ZNF177: variants seen among roughly 807,000 people sequenced by gnomAD.
The protein encoded by ZNF177 is zinc finger protein 177.
In ZNF177, 17 loss-of-function variants were observed where a neutral mutation model predicts 19.4. The ratio of observed to expected loss-of-function variants is 0.87; its 90% CI spans 0.60 to 1.31. ZNF177 has a LOEUF of 1.31. Ranked by LOEUF, ZNF177 falls within the 40% of genes most tolerant of loss-of-function variation. ZNF177 has a pLI of 0.00. For missense variants in ZNF177, 633 were observed against 561.8 expected, an observed-to-expected ratio of 1.13 and a Z score of -1.28; for synonymous variants, 220 against 188.7, an observed-to-expected ratio of 1.17 and a Z score of -1.36.
chr19:9,375,280 A>ATAT (rs1371562538), upstream of ZNF177, among the ~76,000 whole-genome samples: 5 of 151,956 alleles, frequency 3.3e-5, no homozygotes, highest in African/African-American at 1.2e-4. Flanking sequence ...TTCAGTAGGG[A>ATAT]TATTGGCTTG....
At chr19:9,369,271 AT>A (rs1443954715) in intron 2 of ZNF177, among the ~76,000 whole-genome samples, 2 of 151,846 alleles carry the variant, frequency 1.3e-5, no homozygotes, top group African/African-American at 4.8e-5. Context: ...GATTTGTGTT[AT>A]TTATCCTTTA....
rs748352412 is a variant in ZNF177 at position 9,380,924 on chromosome 19, C to T, written c.593C>T (p.Pro198Leu). The T allele has an allele frequency of 5.9e-6, 9 of 1,536,342 alleles. No homozygotes were observed. The African/African-American group carries it at 9.6e-5, about 16-fold the overall frequency. ...TCCCTCAGGAAACACTTAAGAACTCCCACAGGACAGAAGTTTCAGGAGTAT... is the reference window on the plus strand; with the variant it reads ...TCCCTCAGGAAACACTTAAGAACTCTCACAGGACAGAAGTTTCAGGAGTAT... The change falls in exon 6 of 6, where the codon CCC (proline) becomes CTC (leucine). Residue 198 changes from proline (P) to leucine (L), a missense_variant. By Grantham distance (98) the Pro-to-Leu change is moderately conservative (BLOSUM62 -3). Coordinates refer to ENST00000589262, the Ensembl canonical transcript of ZNF177.
chr19:9,379,727 T>G, intron 4 of ZNF177, 108 bp downstream of exon 6: 2 of 1,312,916 alleles, frequency 1.5e-6, no homozygotes, highest in Non-Finnish European at 2.1e-6. Context: ...ATGAGCTTCC[T>G]TCCTGTTTCA....
intron 2 of ZNF177, among the ~76,000 whole-genome samples, chr19:9,370,422 T>C (rs1380681333): frequency 6.6e-6 from 1 of 151,782 alleles, no homozygotes; most frequent in Non-Finnish European, 1.5e-5. Flanking sequence ...TTTTTTTGTT[T>C]TTTTTTTAAG....
At chr19:9,363,493 T>C (rs1486366127) in intron 1 of ZNF177, among the ~76,000 whole-genome samples, 1 of 152,226 alleles carries the variant, frequency 6.6e-6, no homozygotes, top group African/African-American at 2.4e-5. Context: ...TTCCCCTCTG[T>C]TATGTGGATG....
chr19:9,369,085 G>A (rs2068015653), intron 2 of ZNF177, among the ~76,000 whole-genome samples: 1 of 152,050 alleles, frequency 6.6e-6, no homozygotes, highest in South Asian at 2.1e-4. Flanking sequence ...ATACAGTATG[G>A]TCAGTTTTTA....
rs192540267 is a variant in ZNF177, at chr19:9,381,783, C to T, written c.*6C>T. 3,962 of 1,584,614 alleles carry T rather than the reference C, an allele frequency of 2.5e-3. 10 individuals are homozygous for T. Among genetic ancestry groups the T allele is most frequent in the Non-Finnish European group, 3.1e-3 (3,637 of 1,166,544 alleles). Reference sequence around the variant, plus strand: ...GCCAGAAACTCCATGAATGAAATGACTCAGGGAAGTGTTTGTTGCCCCTCA... The same window carrying T: ...GCCAGAAACTCCATGAATGAAATGATTCAGGGAAGTGTTTGTTGCCCCTCA... On this transcript the variant is annotated 3_prime_UTR_variant, in exon 6 of 6. Transcript: ENST00000589262.
intron 3 of ZNF177, 167 bp downstream of exon 5, chr19:9,379,255 T>C: frequency 8.1e-7 from 1 of 1,229,130 alleles, no homozygotes; most frequent in South Asian, 1.8e-5. Context: ...AATGCACTGA[T>C]TTCATTTTCT....
chr19:9,368,070 C>T (rs1201479537), intron 2 of ZNF177, among the ~76,000 whole-genome samples: 5 of 152,150 alleles, frequency 3.3e-5, no homozygotes, highest in Admixed American at 2.6e-4. Flanking sequence ...CTGATAAAGC[C>T]TTTGAGCATG....
intron 2 of ZNF177, among the ~76,000 whole-genome samples, chr19:9,367,246 G>C (rs1341794587): frequency 1.3e-5 from 2 of 152,040 alleles, no homozygotes; most frequent in Non-Finnish European, 2.9e-5. Flanking sequence ...CCTGAACCTG[G>C]CGAGGTTGCA....
intron 2 of ZNF177, among the ~76,000 whole-genome samples, chr19:9,370,400 G>C (rs1476541376): frequency 6.6e-6 from 1 of 150,434 alleles, no homozygotes; most frequent in Non-Finnish European, 1.5e-5. Context: ...TATGTAAGTG[G>C]TTGGTTTGTT....
rs1307167191 is a variant in ZNF177, at chr19:9,381,729, C to G, written c.1398C>G (p.Asn466Lys). Residue 466 changes from asparagine to lysine, a missense_variant, in exon 6 of 6, where the codon AAC (asparagine) becomes AAG (lysine). By Grantham distance (94) the Asn-to-Lys change is moderately conservative (BLOSUM62 0). Coordinates refer to ENST00000589262, the Ensembl canonical transcript of ZNF177. ...AAAAAGCCTTTAGCACAAGCACTAA[C>G]CTTATAATGCACAAGCGAATCCACA... 4 of 1,611,914 alleles carry G rather than the reference C, an allele frequency of 2.5e-6. No individual in the cohort carries two copies. The Admixed American group carries it at 6.7e-5, about 27-fold the overall frequency.
exon 6 of ZNF177, chr19:9,381,915 C>T (rs2068209542): frequency 3.9e-6 from 5 of 1,284,108 alleles, no homozygotes; most frequent in Admixed American, 5.2e-5. Flanking sequence ...TGGGACAAAC[C>T]TTATAAATGT....
At chr19:9,367,450 C>A (rs1457707139) in intron 2 of ZNF177, among the ~76,000 whole-genome samples, 1 of 152,162 alleles carries the variant, frequency 6.6e-6, no homozygotes, top group Non-Finnish European at 1.5e-5. Context: ...TACAATTTTT[C>A]TTTTGCTCTA....
intron 2 of ZNF177, among the ~76,000 whole-genome samples, chr19:9,365,217 G>C (rs2067960886): frequency 6.6e-6 from 1 of 152,128 alleles, no homozygotes; most frequent in Non-Finnish European, 1.5e-5. Context: ...GGGGAGTAGA[G>C]TTGATATAAG....
At chr19:9,377,215 C>G (rs1343799291) in intron 1 of ZNF177, among the ~76,000 whole-genome samples, 1 of 152,072 alleles carries the variant, frequency 6.6e-6, no homozygotes, top group Non-Finnish European at 1.5e-5. Context: ...GTCATTTAAA[C>G]CTGCTGCACT....
upstream of ZNF177, among the ~76,000 whole-genome samples, chr19:9,376,053 G>T (rs910161641): frequency 1.3e-5 from 2 of 152,132 alleles, no homozygotes; most frequent in African/African-American, 4.8e-5. Context: ...AAGCTATAGT[G>T]AGCTTCTTGT....
At chr19:9,379,224 A>G (rs1482827410) in intron 3 of ZNF177, 136 bp downstream of exon 5, 1 of 1,367,930 alleles carries the variant, frequency 7.3e-7, no homozygotes, top group African/African-American at 1.5e-5. Context: ...TTGAGGGGGC[A>G]GTCCAGTGGC....
chr19:9,372,885 G>T (rs1306267587), upstream of ZNF177, among the ~76,000 whole-genome samples: 1 of 152,034 alleles, frequency 6.6e-6, no homozygotes, highest in Non-Finnish European at 1.5e-5. Flanking sequence ...CAGCTTTCTT[G>T]AGGTATAATT....
Sources: allele counts gnomAD v4.1 joint callset (sites outside exome capture counted in the v4.1 genomes callset), GRCh38; gene constraint gnomAD v4.1.1; transcripts MANE v1.5; gene names NCBI Gene and HGNC (gene_info 2026-07-23, HGNC 2026-07-21).